The following PSD variants were observed in gnomAD, a reference collection of about 807,000 sequenced individuals.
PSD encodes pleckstrin and Sec7 domain containing, also known as PH and SEC7 domain-containing protein 1.
Under a neutral mutation model 91.6 loss-of-function variants are expected in PSD, and 32 were observed. That is an observed-to-expected ratio of 0.35 (90% CI 0.26 to 0.47). PSD has a LOEUF of 0.47. Ranked by LOEUF, PSD falls within the 20% of genes least tolerant of loss-of-function variation. PSD has a pLI of 1.00. For missense variants in PSD, 1,099 were observed against 1,373.9 expected, an observed-to-expected ratio of 0.80 and a Z score of 3.16; for synonymous variants, 532 against 569.3, an observed-to-expected ratio of 0.93 and a Z score of 0.93.
At position 102,403,436 on chromosome 10, in the gene PSD, G is replaced by A; in HGVS notation, c.2845-6C>T. Reference sequence around the variant, plus strand: ...TAGGTGCTGTAGCGGGATTTCTGAGGCAGAGGGGCAGGGGCTGTGAGAGCC... The same window carrying A: ...TAGGTGCTGTAGCGGGATTTCTGAGACAGAGGGGCAGGGGCTGTGAGAGCC... On this transcript the variant is annotated splice_region_variant and splice_polypyrimidine_tract_variant and intron_variant, in intron 16 of 16. Transcript: ENST00000020673. The surrounding 1 kb of genome is among the most constrained non-coding windows in gnomAD (Gnocchi z 6.7). 1.2e-6 allele frequency: 2 copies of A among 1,600,178 alleles called. No homozygotes were observed. The highest frequency in any genetic ancestry group is 3.4e-5 in the Admixed American group (2 of 59,608).
intron 1 of PSD, among the ~76,000 whole-genome samples, chr10:102,418,060 AACACACACACAC>A (rs3061745): frequency 8.1e-5 from 12 of 147,956 alleles, no homozygotes; most frequent in Admixed American, 3.4e-4. Flanking sequence ...CACACACACA[AACACACACACAC>A]ACACACACAC....
rs1235893113 is a variant in PSD, at chr10:102,405,104, C to A, written c.2398-49G>T. The A allele has an allele frequency of 4.3e-6, 7 of 1,610,884 alleles. No homozygotes were observed. Among genetic ancestry groups the A allele is most frequent in the Middle Eastern group, 1.7e-4 (1 of 6,058 alleles). ...TGGCCCCAAATGCAGCCTGGCCCAGCCCCTCCTATTCCCACCCATCACCCC... is the reference window on the plus strand; with the variant it reads ...TGGCCCCAAATGCAGCCTGGCCCAGACCCTCCTATTCCCACCCATCACCCC... On this transcript the variant is annotated intron_variant, in intron 13 of 16. Coordinates refer to ENST00000020673, the MANE Select transcript of PSD (RefSeq NM_002779.5). The surrounding 1 kb of genome is among the most constrained non-coding windows in gnomAD (Gnocchi z 5.4).
chr10:102,403,465 T>C lies in PSD; in HGVS notation c.2845-35A>G, dbSNP rs1396691607. The C allele has an allele frequency of 1.9e-6, 3 of 1,548,946 alleles. No individual in the cohort carries two copies. Among genetic ancestry groups the C allele is most frequent in the Non-Finnish European group, 2.6e-6 (3 of 1,145,302 alleles). On this transcript the variant is annotated intron_variant, in intron 16 of 16. Transcript: ENST00000020673. This position sits in a 1 kb window ranked among gnomAD's most constrained non-coding sequence, Gnocchi z 6.7. The stretch of plus-strand genomic sequence containing the variant: ...AGGGGCAGGGGCTGTGAGAGCCTCT[T>C]CTCTGCCTTCTGCCCACCCCACCAT...
intron 8 of PSD, 79 bp from the exon 9 acceptor site, chr10:102,411,195 A>C: frequency 7.1e-7 from 1 of 1,407,342 alleles, no homozygotes; most frequent in Non-Finnish European, 9.7e-7. Flanking sequence ...CTCCCATTTC[A>C]TCCCCACCCC....
Position 102,413,968 on chromosome 10 carries a change from G to A in PSD, c.1354C>T (p.Arg452Trp), listed in dbSNP as rs1429673186. Residue 452 changes from arginine (R) to tryptophan (W), a missense_variant, in exon 5 of 17, where the codon CGG becomes TGG. Physicochemically the swap from Arg to Trp is moderately radical, Grantham distance 101. Coordinates refer to ENST00000020673, the MANE Select transcript of PSD (RefSeq NM_002779.5). ...FELPPQPPAP[R>W]PDPPAPAPLA... ...GGGGCGGGAGCTGGTGGGTCGGGCC[G>A]GGGTGCAGGGGGTTGGGGAGGCAGC... 3.3e-5 allele frequency: 53 copies of A among 1,613,832 alleles called. No homozygotes were observed. The highest frequency in any genetic ancestry group is 8.3e-5 in the Admixed American group (5 of 60,010).
chr10:102,416,753 C>A lies in PSD; in HGVS notation c.286G>T (p.Ala96Ser). Residue 96 changes from alanine (A) to serine (S), a missense_variant, in exon 2 of 17, where the codon GCC becomes TCC. By Grantham distance (99) the Ala-to-Ser change is moderately conservative. Transcript: ENST00000020673. The surrounding 1 kb of genome is among the most constrained non-coding windows in gnomAD (Gnocchi z 6.0). ...SSPTGQPPPG[A>S]QSSVVIFRFV... ...CGGAAGATGACCACAGAGCTCTGGG[C>A]CCCGGGTGGGGGCTGCCCAGTGGGT... The A allele has an allele frequency of 6.3e-7, 1 of 1,589,874 alleles. No homozygotes were observed.
At chr10:102,408,940 G>T (rs1222086629) in intron 10 of PSD, 5 of 987,596 alleles carry the variant, frequency 5.1e-6, no homozygotes, top group Non-Finnish European at 6.0e-6. Flanking sequence ...CCACCAGGTC[G>T]GTGTAGAGCA....
chr10:102,412,808 C>T (rs916515200), intron 5 of PSD, among the ~76,000 whole-genome samples: 3 of 152,214 alleles, frequency 2.0e-5, no homozygotes, highest in African/African-American at 7.2e-5. Context: ...CGTCTTGCTG[C>T]TGTGGGAGTT....
chr10:102,416,657 C>T lies in PSD; in HGVS notation c.382G>A (p.Asp128Asn). The change falls in exon 2 of 17, where the codon GAT becomes AAT. Residue 128 changes from aspartate (D) to asparagine (N), a missense_variant. By Grantham distance (23) the Asp-to-Asn change is conservative (BLOSUM62 1). Transcript: ENST00000020673. The surrounding 1 kb of genome is among the most constrained non-coding windows in gnomAD (Gnocchi z 6.0). ...PAPGGLSRSW[D>N]LGGVSPPRPT... ...CTGGGAGGAGAAACCCCACCCAGAT[C>T]CCAGCTCCGACTCAAGCCCCCTGGA... 1 of 1,609,874 alleles carries T rather than the reference C, an allele frequency of 6.2e-7. No homozygotes were observed. Among genetic ancestry groups the T allele is most frequent in the Non-Finnish European group, 8.5e-7 (1 of 1,178,420 alleles).
chr10:102,407,578 G>C (rs899691328), intron 10 of PSD, among the ~76,000 whole-genome samples: 2 of 152,206 alleles, frequency 1.3e-5, no homozygotes, highest in South Asian at 2.1e-4. Flanking sequence ...CTTTATTGTT[G>C]TTAAGGGGCT....
At position 102,403,946 on chromosome 10, in the gene PSD, T is replaced by A. The variant is rs373545210; in HGVS notation, c.2740A>T (p.Met914Leu). ...VRTHEAKLKA[M>L]ASELREHRAA... Reference sequence around the variant, plus strand: ...CGGTGCTCCCGCAGCTCACTTGCCATGGCCTTCAGCTTGGCCTCGTGGGTC... The same window carrying A: ...CGGTGCTCCCGCAGCTCACTTGCCAAGGCCTTCAGCTTGGCCTCGTGGGTC... Residue 914 changes from methionine to leucine, a missense_variant, in exon 16 of 17, where the codon ATG becomes TTG. Met to Leu is a conservative substitution (Grantham distance 15). This residue lies in a region of PSD where 358 missense variants were observed against 426.5 expected (regional missense o/e 0.84). Transcript: ENST00000020673. This position sits in a 1 kb window ranked among gnomAD's most constrained non-coding sequence, Gnocchi z 6.7. 6.3e-7 allele frequency: 1 copy of A among 1,580,084 alleles called. No individual in the cohort carries two copies. Among genetic ancestry groups the A allele is most frequent in the Admixed American group, 1.8e-5 (1 of 55,120 alleles).
At position 102,407,261 on chromosome 10, in the gene PSD, C is replaced by T. The variant is rs1366863685; in HGVS notation, c.2097G>A (p.Leu699=). 4 of 1,594,506 alleles carry T rather than the reference C, an allele frequency of 2.5e-6. No homozygotes were observed. Among genetic ancestry groups the T allele is most frequent in the East Asian group, 2.3e-5 (1 of 43,408 alleles). The part of the protein sequence containing the change: ...GDFPRELLKA[L]YSSIKNEKLQ... The stretch of plus-strand genomic sequence containing the variant: ...GCTTCTCATTCTTGATGGAGCTGTA[C>T]AAGGCCTGGGGGGTGGGGGGAACAA... Residue 699 remains leucine, a synonymous_variant, in exon 11 of 17, where the codon TTG becomes TTA. Coordinates refer to ENST00000020673, the MANE Select transcript of PSD (RefSeq NM_002779.5).
At chr10:102,411,878 G>A in intron 7 of PSD, 59 bp from the exon 8 acceptor site, 4 of 1,289,972 alleles carry the variant, frequency 3.1e-6, no homozygotes, top group Non-Finnish European at 4.4e-6. Context: ...CTCTGTCTCT[G>A]GGGTGACAGG....
In PSD at chr10:102,414,292, T is replaced by C. The variant is rs2061453507; in HGVS notation, c.1125-95A>G. On this transcript the variant is annotated intron_variant, in intron 4 of 16. Transcript: ENST00000020673. The surrounding 1 kb of genome is among the most constrained non-coding windows in gnomAD (Gnocchi z 5.6). Reference sequence around the variant, plus strand: ...CTCACACTGACTCTGCTAAGGGGATTATCATCCCCTTTTCACTGGCTCCAG... The same window carrying C: ...CTCACACTGACTCTGCTAAGGGGATCATCATCCCCTTTTCACTGGCTCCAG... 16 of 1,185,914 alleles carry C rather than the reference T, an allele frequency of 1.3e-5. No individual in the cohort carries two copies. The South Asian group carries it at 2.4e-4, about 18-fold the overall frequency. The allele number at this position is 1,185,914 out of a possible 1,614,324, so 73.5% of individuals were successfully genotyped here. A position where few individuals can be genotyped will look rare whatever the true frequency, so the allele number is the denominator to read the frequency against.
chr10:102,406,456 A>G (rs1157020336), intron 11 of PSD, among the ~76,000 whole-genome samples: 1 of 152,070 alleles, frequency 6.6e-6, no homozygotes, highest in Non-Finnish European at 1.5e-5. Flanking sequence ...CCCTCAGACT[A>G]GAAGACTAGA....
Position 102,404,139 on chromosome 10 carries a change from G to C in PSD, c.2701-154C>G, listed in dbSNP as rs1406934425. 6.6e-6 allele frequency among the ~76,000 whole-genome samples: 1 copy of C among 152,196 alleles called. No homozygotes were observed. Among genetic ancestry groups the C allele is most frequent in the Non-Finnish European group, 1.5e-5 (1 of 68,020 alleles). On this transcript the variant is annotated intron_variant, in intron 15 of 16. Transcript: ENST00000020673. This position sits in a 1 kb window ranked among gnomAD's most constrained non-coding sequence, Gnocchi z 5.7. ...CAAGGCGGGCGGATCACGAGGTCAGGAGATCGAGACCATCCTGGCTAACAC... is the reference window on the plus strand; with the variant it reads ...CAAGGCGGGCGGATCACGAGGTCAGCAGATCGAGACCATCCTGGCTAACAC...
rs568417773 is a variant in PSD at position 102,404,192 on chromosome 10, T to C, written c.2701-207A>G. 2.0e-3 allele frequency among the ~76,000 whole-genome samples: 298 copies of C among 151,866 alleles called. 1 individual carries two copies. The highest frequency in any genetic ancestry group is 3.8e-3 in the Non-Finnish European group (258 of 67,912). Reference sequence around the variant, plus strand: ...TGAAACCCCGTCTCTACTAAAAATATAAAAAATTAGCCAGGCGTGGTGGCA... The same window carrying C: ...TGAAACCCCGTCTCTACTAAAAATACAAAAAATTAGCCAGGCGTGGTGGCA... On this transcript the variant is annotated intron_variant, in intron 15 of 16. Transcript: ENST00000020673. The surrounding 1 kb of genome is among the most constrained non-coding windows in gnomAD (Gnocchi z 5.7).
chr10:102,406,686 T>A (rs892902661), intron 11 of PSD, among the ~76,000 whole-genome samples: 1 of 152,122 alleles, frequency 6.6e-6, no homozygotes, highest in African/African-American at 2.4e-5. Context: ...TTTTTGTGTT[T>A]TTAGTGGAGA....
chr10:102,412,649 G>C, intron 5 of PSD, 74 bp from the exon 6 acceptor site: 1 of 1,341,726 alleles, frequency 7.5e-7, no homozygotes, highest in South Asian at 1.4e-5. Context: ...TCTGCCTCCA[G>C]GCCCAGAAGA....
Sources: gnomAD v4.1 joint callset for allele counts (sites outside exome capture counted in the v4.1 genomes callset) on GRCh38, gnomAD v4.1.1 for gene constraint, gnomAD v4.1.1 regional missense constraint, Gnocchi (gnomAD v3.1) non-coding constraint, MANE v1.5 for transcripts, NCBI Gene and HGNC (gene_info 2026-07-23, HGNC 2026-07-21) for gene names.